Variants in BTD observed in about 807,000 individuals in gnomAD.
The protein encoded by BTD is biocytinase.
BTD carries 13 observed loss-of-function variants against 17.7 expected under a neutral mutation model. That is an observed-to-expected ratio of 0.74 (90% CI 0.48 to 1.17). BTD has a LOEUF of 1.17. BTD is among the 50% of genes most tolerant of loss of function. BTD has a pLI of 0.00. For synonymous variants in BTD, 240 were observed against 245.2 expected, an observed-to-expected ratio of 0.98 and a Z score of 0.20; for missense variants, 674 against 650.4, an observed-to-expected ratio of 1.04 and a Z score of -0.39.
chr3:15,679,453 T>C (rs2067293879), intron 3 of BTD: 1 of 1,613,604 alleles, frequency 6.2e-7, no homozygotes, highest in Non-Finnish European at 8.5e-7. Flanking sequence ...AAACCAAATC[T>C]GATTCATTCT....
In BTD at chr3:15,653,007, A is replaced by G. The variant is rs142993418; in HGVS notation, c.*7519A>G. On this transcript the variant is annotated 3_prime_UTR_variant, in exon 4 of 4. Transcript: ENST00000643237. ...CGGAAGTTCTAGAGGAGGTATTCTG[A>G]CAGTGGCCAGGAAAACCTCCTGCCC... Among the ~76,000 whole-genome samples the G allele has an allele frequency of 1.6e-3, 245 of 152,342 alleles. 2 individuals are homozygous for G. The highest frequency in any genetic ancestry group is 5.6e-3 in the African/African-American group (231 of 41,578).
rs534102050 is a variant in BTD at position 15,647,442 on chromosome 3, C to T, written c.*1954C>T. 1 of 152,320 alleles carries T rather than the reference C, an allele frequency of 6.6e-6. No homozygotes were observed. Among genetic ancestry groups the T allele is most frequent in the African/African-American group, 2.4e-5 (1 of 41,572 alleles). 9.4% of individuals were successfully genotyped at this position (152,320 alleles called of 1,614,324 possible). On this transcript the variant is annotated 3_prime_UTR_variant, in exon 4 of 4. Transcript: ENST00000643237. ...GCACCTGCAGGATCCTCATTCTGCC[C>T]TTCTGGGCAGAGCACCACGAACTTT...
chr3:15,644,043 C>T (rs2065617340), intron 3 of BTD, among the ~76,000 whole-genome samples: 1 of 151,444 alleles, frequency 6.6e-6, no homozygotes, highest in African/African-American at 2.4e-5. Context: ...CTCTGTCGCC[C>T]AGGCTGGAGT....
At chr3:15,711,826 A>G (rs2072324336) in exon 4 of BTD, among the ~76,000 whole-genome samples, 1 of 151,606 alleles carries the variant, frequency 6.6e-6, no homozygotes, top group Admixed American at 6.6e-5. Context: ...AGCTGGGATT[A>G]CAGGTGCTCA....
intron 1 of BTD, among the ~76,000 whole-genome samples, chr3:15,627,400 T>A (rs543717298): frequency 2.4e-4 from 36 of 152,112 alleles, no homozygotes; most frequent in South Asian, 1.0e-3. Context: ...TTAAAAAAAT[T>A]TTTTTTTGGT....
chr3:15,603,260 C>G (rs1012277245), intron 1 of BTD, among the ~76,000 whole-genome samples: 1 of 152,198 alleles, frequency 6.6e-6, no homozygotes, highest in African/African-American at 2.4e-5. Context: ...TCCCAACAGT[C>G]CCCCAAAGTC....
chr3:15,693,327 C>CAGAG lies in BTD; in HGVS notation c.400-16713_400-16710dup, dbSNP rs59750718. On this transcript the variant is annotated intron_variant, in intron 3 of 3. Coordinates refer to the BTD transcript ENST00000672141. Reference sequence around the variant, plus strand: ...TGACAAAAAAATAGTAATGGGGGGGCAGAGAGAGAGAGAGAGAGAGAGACC... The same window carrying CAGAG: ...TGACAAAAAAATAGTAATGGGGGGGCAGAGAGAGAGAGAGAGAGAGAGAGAGACC... Among the ~76,000 whole-genome samples, 14 of 148,466 alleles carry CAGAG rather than the reference C, an allele frequency of 9.4e-5. 1 individual carries two copies. Among genetic ancestry groups the CAGAG allele is most frequent in the East Asian group, 7.9e-4 (4 of 5,060 alleles).
At chr3:15,608,387 C>A (rs1378392643) in intron 1 of BTD, among the ~76,000 whole-genome samples, 1 of 152,034 alleles carries the variant, frequency 6.6e-6, no homozygotes, top group South Asian at 2.1e-4. Context: ...CTGACGAGGA[C>A]GTTTACTTGT....
At chr3:15,605,894 T>C (rs989000255) in intron 1 of BTD, among the ~76,000 whole-genome samples, 6 of 151,768 alleles carry the variant, frequency 4.0e-5, no homozygotes, top group African/African-American at 1.5e-4. Context: ...AATACAAAAA[T>C]TATCCAGGTG....
chr3:15,644,031 T>C lies in BTD; in HGVS notation c.400-285T>C, dbSNP rs2470529. Among the ~76,000 whole-genome samples the C allele has an allele frequency of 0.49, 74,416 of 150,612 alleles. 21,043 individuals are homozygous for C. Among genetic ancestry groups the C allele is most frequent in the African/African-American group, 0.76 (31,350 of 41,078 alleles). On this transcript the variant is annotated intron_variant, in intron 3 of 3. Transcript: ENST00000643237. ...ATTTATTTATTTTGAGACGGAGTCT[T>C]GCTCTGTCGCCCAGGCTGGAGTGCA...
In BTD at chr3:15,635,206, C is replaced by T. The variant is rs1179682168; in HGVS notation, c.-16-218C>T. Among the ~76,000 whole-genome samples, 1 of 152,116 alleles carries T rather than the reference C, an allele frequency of 6.6e-6. No homozygotes were observed. The highest frequency in any genetic ancestry group is 2.4e-5 in the African/African-American group (1 of 41,416). On this transcript the variant is annotated intron_variant, in intron 1 of 3. Coordinates refer to ENST00000643237, the MANE Select transcript of BTD (RefSeq NM_001370658.1). The surrounding 1 kb of genome is among the most constrained non-coding windows in gnomAD (Gnocchi z 4.1). ...AGTCTGTTTTGGAAATGTTCTAAAA[C>T]CAGACTATTAACACAGTGAGCCATT...
At chr3:15,719,126 T>C (rs1278374200) in intron 4 of BTD, among the ~76,000 whole-genome samples, 1 of 152,212 alleles carries the variant, frequency 6.6e-6, no homozygotes, top group Non-Finnish European at 1.5e-5. Flanking sequence ...GGGCACTTTG[T>C]GACATCTCAT....
At chr3:15,639,330 A>G (rs944224774) in intron 2 of BTD, among the ~76,000 whole-genome samples, 3 of 152,086 alleles carry the variant, frequency 2.0e-5, no homozygotes, top group Non-Finnish European at 4.4e-5. Context: ...GTCTATCCAA[A>G]TATAATTTTC....
In BTD at chr3:15,647,838, G is replaced by A. The variant is rs1405539085; in HGVS notation, c.*2350G>A. Among the ~76,000 whole-genome samples, 2 of 152,098 alleles carry A rather than the reference G, an allele frequency of 1.3e-5. No homozygotes were observed. The highest frequency in any genetic ancestry group is 2.9e-5 in the Non-Finnish European group (2 of 67,998). Reference sequence around the variant, plus strand: ...TGCTTTTCTGTGGTTTTTCTCACACGGGAAGTGAGAGGCACAGTGAGCTGT... The same window carrying A: ...TGCTTTTCTGTGGTTTTTCTCACACAGGAAGTGAGAGGCACAGTGAGCTGT... On this transcript the variant is annotated 3_prime_UTR_variant, in exon 4 of 4. Coordinates refer to ENST00000643237, the MANE Select transcript of BTD (RefSeq NM_001370658.1).
chr3:15,621,309 G>A (rs894878796), intron 1 of BTD, among the ~76,000 whole-genome samples: 1 of 152,106 alleles, frequency 6.6e-6, no homozygotes, highest in African/African-American at 2.4e-5. Flanking sequence ...TTCTTTTCTT[G>A]TAATGTCTTT....
At chr3:15,714,545 A>AAG, downstream of BTD, 1 of 1,502,798 alleles carries the variant, frequency 6.7e-7, no homozygotes, top group Non-Finnish European at 8.9e-7. Context: ...AAAAAAAAAA[A>AAG]AACCCCAAAA....
chr3:15,643,351 A>G (rs924227884), intron 3 of BTD, among the ~76,000 whole-genome samples: 5 of 152,134 alleles, frequency 3.3e-5, no homozygotes, highest in African/African-American at 9.7e-5. Context: ...AAATACAAAA[A>G]TTAGCTGGGT....
chr3:15,709,213 T>G (rs2071889204), intron 3 of BTD, among the ~76,000 whole-genome samples: 1 of 152,174 alleles, frequency 6.6e-6, no homozygotes, highest in African/African-American at 2.4e-5. Context: ...AAAGAAAAAT[T>G]ACACATATAT....
chr3:15,660,946 CA>C (rs2065915245), intron 3 of BTD, among the ~76,000 whole-genome samples: 1 of 152,086 alleles, frequency 6.6e-6, no homozygotes, highest in Non-Finnish European at 1.5e-5. Context: ...GTGGCTGAGC[CA>C]TTTTGCGTTC....
Sources: gnomAD v4.1 joint callset for allele counts (sites outside exome capture counted in the v4.1 genomes callset) on GRCh38, gnomAD v4.1.1 for gene constraint, Gnocchi (gnomAD v3.1) non-coding constraint, MANE v1.5 for transcripts, NCBI Gene and HGNC (gene_info 2026-07-23, HGNC 2026-07-21) for gene names.